Variants in DENR observed in about 807,000 individuals in gnomAD.
DENR encodes the protein density-regulated protein.
In DENR, 6 loss-of-function variants were observed where a neutral mutation model predicts 30.6. The ratio of observed to expected loss-of-function variants is 0.20; its 90% confidence interval spans 0.11 to 0.39. The LOEUF (loss-of-function observed/expected upper bound fraction) is 0.39, where lower values mean the gene tolerates loss of function less well. Ranked by LOEUF, DENR falls within the 10% of genes least tolerant of loss-of-function variation. The pLI, the probability that DENR is intolerant of heterozygous loss-of-function variation, is 1.00. For synonymous variants in DENR, 78 were observed against 72.1 expected, an observed-to-expected ratio of 1.08 and a Z score of -0.41; for missense variants, 141 against 230.9, an observed-to-expected ratio of 0.61 and a Z score of 2.52.
chr12:122,769,144 C>T lies in DENR; in HGVS notation c.*66C>T, dbSNP rs1878929524. 3.4e-6 allele frequency: 5 copies of T among 1,483,938 alleles called. No individual in the cohort carries two copies. The highest frequency in any genetic ancestry group is 4.5e-6 in the Non-Finnish European group (5 of 1,111,952). The allele number at this position is 1,483,938 out of a possible 1,614,324, so 91.9% of individuals were successfully genotyped here. A position where few individuals can be genotyped will look rare whatever the true frequency, so the allele number is the denominator to read the frequency against. On this transcript the variant is annotated 3_prime_UTR_variant, in exon 8 of 8. Coordinates refer to ENST00000280557, the MANE Select transcript of DENR (RefSeq NM_003677.5). Reference sequence around the variant, plus strand: ...TTGATATGGCCAAAGGGAGAGAGGCCTTTTAAAATATATATATATATACAC... The same window carrying T: ...TTGATATGGCCAAAGGGAGAGAGGCTTTTTAAAATATATATATATATACAC...
In DENR at chr12:122,769,136, A is replaced by G; in HGVS notation, c.*58A>G. 5 of 1,530,230 alleles carry G rather than the reference A, an allele frequency of 3.3e-6. No homozygotes were observed. Among genetic ancestry groups the G allele is most frequent in the Admixed American group, 2.1e-5 (1 of 47,476 alleles). 94.8% of individuals were successfully genotyped at this position (1,530,230 alleles called of 1,614,324 possible). On this transcript the variant is annotated 3_prime_UTR_variant, in exon 8 of 8. Transcript: ENST00000280557. Reference sequence around the variant, plus strand: ...ACTGAGAGTTGATATGGCCAAAGGGAGAGAGGCCTTTTAAAATATATATAT... The same window carrying G: ...ACTGAGAGTTGATATGGCCAAAGGGGGAGAGGCCTTTTAAAATATATATAT...
chr12:122,755,385 C>T (rs1351907809), intron 2 of DENR, among the ~76,000 whole-genome samples: 1 of 152,136 alleles, frequency 6.6e-6, no homozygotes, highest in Non-Finnish European at 1.5e-5. Context: ...CAAGACCAGC[C>T]TGGCCAACAT....
rs747239730 is a variant in DENR at position 122,769,514 on chromosome 12, C to CTCTCTT, written c.*437_*438insCTCTTT. ...TGACTTTCTCTCTCTCTCTCTCTCT[C>CTCTCTT]TTTTTTTTTTTTGACAGAGTCTCGC... is the stretch of plus-strand genomic sequence containing the variant. On this transcript the variant is annotated 3_prime_UTR_variant, in exon 8 of 8. Coordinates refer to ENST00000280557, the MANE Select transcript of DENR (RefSeq NM_003677.5). 5.4e-5 allele frequency: 35 copies of CTCTCTT among 653,016 alleles called. 1 individual carries two copies. The African/African-American group carries it at 6.9e-4, about 13-fold the overall frequency. The allele number at this position is 653,016 out of a possible 1,614,324, so 40.5% of individuals were successfully genotyped here.
rs1878994276 is a variant in DENR at position 122,770,050 on chromosome 12, A to G, written c.*972A>G. On this transcript the variant is annotated 3_prime_UTR_variant, in exon 8 of 8. Coordinates refer to ENST00000280557, the MANE Select transcript of DENR (RefSeq NM_003677.5). ...TTGTTATGAAGTCCACCCTGTGGGCACAATAACATAACTGTTGGTAGGAGT... is the reference window on the plus strand; with the variant it reads ...TTGTTATGAAGTCCACCCTGTGGGCGCAATAACATAACTGTTGGTAGGAGT... The G allele has an allele frequency of 6.6e-6, 1 of 152,648 alleles. No homozygotes were observed. Among genetic ancestry groups the G allele is most frequent in the African/African-American group, 2.4e-5 (1 of 41,452 alleles). The allele number at this position is 152,648 out of a possible 1,614,324, so 9.5% of individuals were successfully genotyped here. A position where few individuals can be genotyped will look rare whatever the true frequency, so the allele number is the denominator to read the frequency against.
chr12:122,761,951 A>G lies in DENR; in HGVS notation c.107-236A>G, dbSNP rs575440440. ...ACAAAATAGCATATTTTGATGTTCC[A>G]TCAGCTGATGGAGACACTCTTTAGA... On this transcript the variant is annotated intron_variant, in intron 2 of 7. Transcript: ENST00000280557. Among the ~76,000 whole-genome samples the G allele has an allele frequency of 3.3e-5, 5 of 152,298 alleles. No individual in the cohort carries two copies. In the South Asian group the frequency reaches 8.3e-4, roughly 25 times the overall value.
At chr12:122,759,342 G>A (rs1183776264) in intron 2 of DENR, among the ~76,000 whole-genome samples, 1 of 152,202 alleles carries the variant, frequency 6.6e-6, no homozygotes, top group African/African-American at 2.4e-5. Flanking sequence ...TAAGTGATCT[G>A]TAAAGAGAAA....
At position 122,770,559 on chromosome 12, in the gene DENR, C is replaced by T; in HGVS notation, c.*1481C>T. On this transcript the variant is annotated 3_prime_UTR_variant, in exon 8 of 8. Transcript: ENST00000280557. ...GCTCAATATATAGTCCTGGAAATAG[C>T]AATTGAAACATGTCTTCTCACAAGA... is the stretch of plus-strand genomic sequence containing the variant. 2.5e-6 allele frequency: 1 copy of T among 398,250 alleles called. No homozygotes were observed. Among genetic ancestry groups the T allele is most frequent in the Non-Finnish European group, 4.4e-6 (1 of 225,936 alleles). 24.7% of individuals were successfully genotyped at this position (398,250 alleles called of 1,614,324 possible).
chr12:122,759,211 A>G (rs1248410071), intron 2 of DENR, among the ~76,000 whole-genome samples: 2 of 152,208 alleles, frequency 1.3e-5, no homozygotes, highest in Non-Finnish European at 2.9e-5. Context: ...TGTTTCATTC[A>G]TCATGTTGCA....
rs1271596531 is a variant in DENR, at chr12:122,753,789, C to T, written c.88C>T (p.Arg30Ter). Residue 30 changes from arginine (R) to a stop codon, truncating the protein, a stop_gained, in exon 2 of 8, where the codon CGA becomes TGA. Coordinates refer to ENST00000280557, the MANE Select transcript of DENR (RefSeq NM_003677.5). LOFTEE classifies it high-confidence loss of function. ...SAKLDADYPL[R>*]VLYCGVCSLP... ...CAAGTTAGATGCCGATTACCCACTT[C>T]GAGTCCTTTATTGTGGAGGCAAGTG... is the stretch of plus-strand genomic sequence containing the variant. 1 of 1,613,738 alleles carries T rather than the reference C, an allele frequency of 6.2e-7. No homozygotes were observed. Among genetic ancestry groups the T allele is most frequent in the Non-Finnish European group, 8.5e-7 (1 of 1,179,744 alleles).
At chr12:122,757,562 TC>T (rs1224075462) in intron 2 of DENR, among the ~76,000 whole-genome samples, 1 of 152,178 alleles carries the variant, frequency 6.6e-6, no homozygotes, top group Non-Finnish European at 1.5e-5. Flanking sequence ...GATAAGCTTC[TC>T]AATTGTATAA....
intron 2 of DENR, among the ~76,000 whole-genome samples, chr12:122,754,954 G>A (rs1878507812): frequency 6.6e-6 from 1 of 152,192 alleles, no homozygotes; most frequent in South Asian, 2.1e-4. Flanking sequence ...ACAATTGAGA[G>A]AGTTGAAAAA....
chr12:122,756,069 A>G (rs752483367), intron 2 of DENR, among the ~76,000 whole-genome samples: 19 of 152,214 alleles, frequency 1.2e-4, no homozygotes, highest in Non-Finnish European at 2.6e-4. Context: ...GTCCTCGGCT[A>G]AGTTCTGTGG....
intron 2 of DENR, among the ~76,000 whole-genome samples, chr12:122,761,824 G>T (rs1878708913): frequency 6.6e-6 from 1 of 152,168 alleles, no homozygotes; most frequent in African/African-American, 2.4e-5. Context: ...CAAAAGAAAA[G>T]AAATAACCAG....
At chr12:122,757,545 T>C (rs982288458) in intron 2 of DENR, among the ~76,000 whole-genome samples, 2 of 152,242 alleles carry the variant, frequency 1.3e-5, no homozygotes, top group African/African-American at 4.8e-5. Context: ...ATTACAGTTT[T>C]ATTGATGATA....
At chr12:122,758,217 G>T (rs535058779) in intron 2 of DENR, among the ~76,000 whole-genome samples, 2 of 152,196 alleles carry the variant, frequency 1.3e-5, no homozygotes, top group Admixed American at 6.5e-5. Context: ...GATTACAGGC[G>T]CCTGCCACCG....
intron 2 of DENR, among the ~76,000 whole-genome samples, chr12:122,761,681 G>A (rs1878705681): frequency 6.6e-6 from 1 of 152,116 alleles, no homozygotes; most frequent in African/African-American, 2.4e-5. Flanking sequence ...GCATGGTGGT[G>A]TGCATCTGTA....
intron 2 of DENR, chr12:122,754,102 G>C: frequency 2.6e-6 from 1 of 379,084 alleles, no homozygotes; most frequent in South Asian, 2.7e-5. Flanking sequence ...GTCAAAGGAG[G>C]GCTTCTTGGA....
In DENR at chr12:122,769,279, T is replaced by TATATACACATATATGTATACAC. The variant is rs1878956166; in HGVS notation, c.*222_*223insCATATACACATATATGTATACA. On this transcript the variant is annotated 3_prime_UTR_variant, in exon 8 of 8. Transcript: ENST00000280557. ...ATATACATACACATATATGTATACATATATACACATATATGTATACATATA... is the reference window on the plus strand; with the variant it reads ...ATATACATACACATATATGTATACATATATACACATATATGTATACACATATACACATATATGTATACATATA... 1 of 776,294 alleles carries TATATACACATATATGTATACAC rather than the reference T, an allele frequency of 1.3e-6. No individual in the cohort carries two copies. Among genetic ancestry groups the TATATACACATATATGTATACAC allele is most frequent in the African/African-American group, 2.4e-5 (1 of 42,018 alleles). The allele number at this position is 776,294 out of a possible 1,614,324, so 48.1% of individuals were successfully genotyped here.
At chr12:122,762,980 A>G (rs1878744041) in intron 4 of DENR, 51 bp downstream of exon 4, 1 of 972,726 alleles carries the variant, frequency 1.0e-6, no homozygotes. Context: ...AGACAAATGC[A>G]TGTATGGCAT....
Sources: gnomAD v4.1 joint callset for allele counts (sites outside exome capture counted in the v4.1 genomes callset) on GRCh38, gnomAD v4.1.1 for gene constraint, MANE v1.5 for transcripts, NCBI Gene and HGNC (gene_info 2026-07-23, HGNC 2026-07-21) for gene names.